The following NCAPD3 variants were observed in gnomAD, a reference collection of about 807,000 sequenced individuals.
NCAPD3 encodes the protein non-SMC condensin II complex subunit D3.
NCAPD3 carries 105 observed loss-of-function variants against 182.9 expected under a neutral mutation model. That is an observed-to-expected ratio of 0.57 (90% CI 0.49 to 0.68). The LOEUF is 0.68. Among genes scored for constraint, NCAPD3 ranks in the 30% least tolerant of loss-of-function variants. NCAPD3 has a pLI of 0.00. For missense variants in NCAPD3, 1,944 were observed against 1,837.0 expected (o/e 1.06, Z -1.07); for synonymous variants, 815 against 679.9 (o/e 1.20, Z -3.09).
In NCAPD3 at chr11:134,214,656, C is replaced by T. The variant is rs1937952475; in HGVS notation, c.382+2280G>A. Among the ~76,000 whole-genome samples the T allele has an allele frequency of 2.0e-5, 3 of 152,114 alleles. No individual in the cohort carries two copies. The South Asian group carries it at 6.2e-4, about 31-fold the overall frequency. On this transcript the variant is annotated intron_variant, in intron 3 of 34. Coordinates refer to ENST00000534548, the MANE Select transcript of NCAPD3 (RefSeq NM_015261.3). ...AAAATGAACAGTAAAATGAATAAATCTCGATCTAGATTGATCAAGAAAAAA... is the reference window on the plus strand; with the variant it reads ...AAAATGAACAGTAAAATGAATAAATTTCGATCTAGATTGATCAAGAAAAAA...
At chr11:134,174,382 C>CAAAA (rs34533048) in intron 24 of NCAPD3, among the ~76,000 whole-genome samples, 50 of 53,524 alleles carry the variant, frequency 9.3e-4, no homozygotes, top group African/African-American at 1.4e-3. Flanking sequence ...GACCCTGTCT[C>CAAAA]AAAAAAAAAA....
intron 27 of NCAPD3, among the ~76,000 whole-genome samples, chr11:134,162,657 G>A (rs1046703416): frequency 6.6e-6 from 1 of 152,200 alleles, no homozygotes; most frequent in African/African-American, 2.4e-5. Context: ...AGGACAACAA[G>A]TAGAGAAATA....
chr11:134,194,215 T>C (rs1944581567), intron 14 of NCAPD3, 65 bp from the exon 15 acceptor site: 4 of 1,513,912 alleles, frequency 2.6e-6, no homozygotes, highest in Non-Finnish European at 3.6e-6. Context: ...GATAAACTGT[T>C]AACAAAGGAA....
chr11:134,185,312 T>C (rs1464343334), intron 17 of NCAPD3, 23 bp downstream of exon 17: 11 of 1,569,028 alleles, frequency 7.0e-6, no homozygotes, highest in Middle Eastern at 1.7e-4. Flanking sequence ...GTGTCATTAC[T>C]GGTTAAATTA....
rs760210873 is a variant in NCAPD3, at chr11:134,205,002, A to G, written c.1017-31T>C. 3 of 1,556,964 alleles carry G rather than the reference A, an allele frequency of 1.9e-6. No individual in the cohort carries two copies. The South Asian group carries it at 3.4e-5, about 17-fold the overall frequency. Reference sequence around the variant, plus strand: ...TAAAAGAAAAACACATCTACTGTTCACAATACAGTCAGCGACTGTCCCCAA... The same window carrying G: ...TAAAAGAAAAACACATCTACTGTTCGCAATACAGTCAGCGACTGTCCCCAA... On this transcript the variant is annotated intron_variant, in intron 8 of 34. Coordinates refer to ENST00000534548, the MANE Select transcript of NCAPD3 (RefSeq NM_015261.3).
intron 32 of NCAPD3, among the ~76,000 whole-genome samples, chr11:134,155,049 C>T (rs188288813): frequency 7.2e-5 from 11 of 152,300 alleles, no homozygotes; most frequent in African/African-American, 2.2e-4. Context: ...AGCCCGGGTG[C>T]GGGGGCTCTG....
At chr11:134,176,123 T>C (rs1290585607) in intron 24 of NCAPD3, among the ~76,000 whole-genome samples, 184 bp downstream of exon 24, 1 of 152,112 alleles carries the variant, frequency 6.6e-6, no homozygotes, top group Non-Finnish European at 1.5e-5. Flanking sequence ...TCTTTTAAAC[T>C]TGTGTGCAAA....
chr11:134,167,788 G>A (rs1377734525), intron 27 of NCAPD3, among the ~76,000 whole-genome samples: 2 of 139,370 alleles, frequency 1.4e-5, no homozygotes, highest in African/African-American at 5.5e-5. Context: ...GCTTGGGGGA[G>A]GTGCACACTC....
chr11:134,184,243 G>C (rs547627899), intron 19 of NCAPD3, among the ~76,000 whole-genome samples: 35 of 152,350 alleles, frequency 2.3e-4, no homozygotes, highest in Non-Finnish European at 3.7e-4. Context: ...TGACTTATCA[G>C]AAGGTCAGAA....
At chr11:134,194,848 T>G (rs1234388353) in intron 13 of NCAPD3, 110 bp from the exon 14 acceptor site, 2 of 626,750 alleles carry the variant, frequency 3.2e-6, no homozygotes, top group Admixed American at 3.0e-5. Flanking sequence ...ACTCATTAGC[T>G]TGTTTTAAAT....
intron 2 of NCAPD3, among the ~76,000 whole-genome samples, chr11:134,217,799 T>TA (rs1228800505): frequency 1.3e-5 from 2 of 152,116 alleles, no homozygotes; most frequent in East Asian, 1.9e-4. Flanking sequence ...CTAAAAAACT[T>TA]ACGGGAGAAA....
intron 3 of NCAPD3, among the ~76,000 whole-genome samples, chr11:134,212,375 TTGTGTGTGTG>T (rs56807520): frequency 4.9e-5 from 7 of 143,172 alleles, no homozygotes; most frequent in African/African-American, 1.6e-4. Flanking sequence ...TTTTGTTGTT[TTGTGTGTGTG>T]TGTGTGTGTG....
chr11:134,157,702 G>A (rs1450080241), intron 31 of NCAPD3, among the ~76,000 whole-genome samples: 2 of 152,198 alleles, frequency 1.3e-5, no homozygotes, highest in Non-Finnish European at 2.9e-5. Context: ...ATAGCTGGAG[G>A]AAGGAATGCC....
At chr11:134,219,828 G>A (rs976446203) in intron 2 of NCAPD3, among the ~76,000 whole-genome samples, 2 of 152,008 alleles carry the variant, frequency 1.3e-5, no homozygotes, top group African/African-American at 4.8e-5. Context: ...ACAGAGTCTT[G>A]CTCTGTCGCC....
chr11:134,164,824 CCTT>C (rs1366124399), intron 27 of NCAPD3, among the ~76,000 whole-genome samples: 3 of 139,260 alleles, frequency 2.2e-5, no homozygotes, highest in African/African-American at 8.2e-5. Context: ...CATGAAATGA[CCTT>C]AGGGGAGCTG....
chr11:134,224,093 C>T, upstream of NCAPD3: 1 of 806,216 alleles, frequency 1.2e-6, no homozygotes. Flanking sequence ...GCGTCGTCCG[C>T]CGCACGCTCA....
chr11:134,205,666 C>A (rs765838492), intron 8 of NCAPD3, among the ~76,000 whole-genome samples: 1 of 152,098 alleles, frequency 6.6e-6, no homozygotes, highest in Non-Finnish European at 1.5e-5. Context: ...CATGTGCCAC[C>A]GCGCCCCGCC....
At chr11:134,202,738 C>A in intron 13 of NCAPD3, 78 bp downstream of exon 13, 6 of 1,091,252 alleles carry the variant, frequency 5.5e-6, no homozygotes, top group South Asian at 1.7e-5. Context: ...AAAAAAAAAT[C>A]CAAGGTTTTA....
intron 32 of NCAPD3, 110 bp from the exon 33 acceptor site, chr11:134,153,473 C>T (rs1250571599): frequency 3.9e-5 from 44 of 1,129,808 alleles, no homozygotes; most frequent in Middle Eastern, 2.2e-4. Flanking sequence ...GTCCCAGCGG[C>T]GGCCCTCAGA....
Sources: gnomAD v4.1 joint callset for allele counts (sites outside exome capture counted in the v4.1 genomes callset) on GRCh38, gnomAD v4.1.1 for gene constraint, MANE v1.5 for transcripts, NCBI Gene and HGNC (gene_info 2026-07-23, HGNC 2026-07-21) for gene names.